Variants in LIN7A observed in about 807,000 individuals in gnomAD.
LIN7A encodes the protein protein lin-7 homolog A.
A neutral mutation model predicts 29.8 loss-of-function variants in LIN7A; 25 were observed. That is an observed-to-expected ratio of 0.84 (90% CI 0.61 to 1.17). LIN7A has a LOEUF of 1.17. Ranked by LOEUF, LIN7A falls within the 50% of genes most tolerant of loss-of-function variation. LIN7A has a pLI of 0.00. For synonymous variants in LIN7A, 118 were observed against 107.5 expected (o/e 1.10, Z -0.60); for missense variants, 239 against 287.0 (o/e 0.83, Z 1.21).
chr12:80,905,694 A>G (rs1362770910), intron 1 of LIN7A, among the ~76,000 whole-genome samples: 1 of 152,162 alleles, frequency 6.6e-6, no homozygotes, highest in Non-Finnish European at 1.5e-5. Context: ...TAGGATGCTA[A>G]TGGCATCTTG....
intron 5 of LIN7A, among the ~76,000 whole-genome samples, chr12:80,803,841 C>T (rs12422260): frequency 0.11 from 16,269 of 151,956 alleles, 992 homozygotes; most frequent in East Asian, 0.18. Flanking sequence ...TAAAGGTAAT[C>T]GATAAGGGTG....
Position 80,851,355 on chromosome 12 carries a change from CT to C in LIN7A, c.202-3034del, listed in dbSNP as rs199557424. On this transcript the variant is annotated intron_variant, in intron 2 of 5. Coordinates refer to ENST00000552864, the MANE Select transcript of LIN7A (RefSeq NM_004664.4). ...GAATGAATCCAATATAATTGCTAGT[CT>C]TTTTTTTTTTTTTGTCTACAAAACA... Among the ~76,000 whole-genome samples, 1,091 of 139,402 alleles carry C rather than the reference CT, an allele frequency of 7.8e-3. 4 individuals carry two copies. Among genetic ancestry groups the C allele is most frequent in the African/African-American group, 0.014 (552 of 38,502 alleles). 91.5% of individuals were successfully genotyped at this position (139,402 alleles called of 152,430 possible). A position where few individuals can be genotyped will look rare whatever the true frequency, so the allele number is the denominator to read the frequency against.
chr12:80,896,751 AG>A (rs1171630860), intron 1 of LIN7A, among the ~76,000 whole-genome samples: 5 of 152,348 alleles, frequency 3.3e-5, no homozygotes, highest in Admixed American at 2.6e-4. Context: ...ACAACACTGA[AG>A]TGTATCACAA....
chr12:80,896,189 G>A (rs1177097884), intron 1 of LIN7A, among the ~76,000 whole-genome samples: 2 of 152,194 alleles, frequency 1.3e-5, no homozygotes, highest in East Asian at 3.8e-4. Flanking sequence ...TCCAAAGAAG[G>A]AGCATCCAGA....
rs564387435 is a variant in LIN7A at position 80,881,494 on chromosome 12, C to G, written c.201+7757G>C. Among the ~76,000 whole-genome samples the G allele has an allele frequency of 2.6e-5, 4 of 152,060 alleles. No individual in the cohort carries two copies. The South Asian group carries it at 6.2e-4, about 24-fold the overall frequency. On this transcript the variant is annotated intron_variant, in intron 2 of 5. Coordinates refer to ENST00000552864, the MANE Select transcript of LIN7A (RefSeq NM_004664.4). Reference sequence around the variant, plus strand: ...ACTTTGTGTGAAAAAATACATGCTACTCTGTCCATGTTTAAAGGAAAACAT... The same window carrying G: ...ACTTTGTGTGAAAAAATACATGCTAGTCTGTCCATGTTTAAAGGAAAACAT...
chr12:80,935,170 G>A (rs61934587), intron 1 of LIN7A, among the ~76,000 whole-genome samples: 164 of 152,244 alleles, frequency 1.1e-3, no homozygotes, highest in Non-Finnish European at 1.9e-3. Flanking sequence ...CAGACACTGA[G>A]AATTCAAAGA....
At position 80,796,015 on chromosome 12, in the gene LIN7A, C is replaced by G. The variant is rs1212547214; in HGVS notation, c.*1712G>C. 6.6e-6 allele frequency: 1 copy of G among 152,148 alleles called. No individual in the cohort carries two copies. Among genetic ancestry groups the G allele is most frequent in the Non-Finnish European group, 1.5e-5 (1 of 68,018 alleles). 9.4% of individuals were successfully genotyped at this position (152,148 alleles called of 1,614,324 possible). ...TCCTAGTTTTCTTGCTGTTTTTCCT[C>G]TGGTGAGGGATGCATTGTGAAGAGC... On this transcript the variant is annotated 3_prime_UTR_variant, in exon 6 of 6. Transcript: ENST00000552864.
chr12:80,935,126 A>AT (rs1048218780), intron 1 of LIN7A, among the ~76,000 whole-genome samples: 8 of 152,124 alleles, frequency 5.3e-5, no homozygotes, highest in Non-Finnish European at 8.8e-5. Context: ...ACTTAACATT[A>AT]TTTTTTTATT....
chr12:80,804,743 G>A (rs1185943214), intron 5 of LIN7A, among the ~76,000 whole-genome samples: 1 of 151,692 alleles, frequency 6.6e-6, no homozygotes, highest in African/African-American at 2.4e-5. Flanking sequence ...TACTAGAGAT[G>A]GGGTTTTGCC....
intron 1 of LIN7A, among the ~76,000 whole-genome samples, chr12:80,936,132 A>G (rs1878204098): frequency 6.6e-6 from 1 of 152,188 alleles, no homozygotes; most frequent in African/African-American, 2.4e-5. Context: ...TTTGGTTCTT[A>G]CCGGCAATGG....
intron 2 of LIN7A, among the ~76,000 whole-genome samples, chr12:80,873,625 T>C (rs1272536959): frequency 1.3e-5 from 2 of 152,226 alleles, no homozygotes; most frequent in East Asian, 3.9e-4. Flanking sequence ...AATGTACACC[T>C]GTGCATTGTC....
chr12:80,869,581 A>C lies in LIN7A; in HGVS notation c.201+19670T>G, dbSNP rs370746877. ...TTTTTATCACACCTCAGGAGACCTC[A>C]GAATAGACATATACTTAATTTAAAA... On this transcript the variant is annotated intron_variant, in intron 2 of 5. Coordinates refer to ENST00000552864, the MANE Select transcript of LIN7A (RefSeq NM_004664.4). 1.8e-4 allele frequency among the ~76,000 whole-genome samples: 28 copies of C among 152,300 alleles called. No homozygotes were observed. In the East Asian group the frequency reaches 2.7e-3, roughly 15 times the overall value.
At chr12:80,901,483 A>T (rs1023882492) in intron 1 of LIN7A, among the ~76,000 whole-genome samples, 1 of 152,146 alleles carries the variant, frequency 6.6e-6, no homozygotes, top group African/African-American at 2.4e-5. Context: ...TACATAAAAA[A>T]CAATCTACCT....
At chr12:80,927,781 C>T (rs1368818340) in intron 1 of LIN7A, among the ~76,000 whole-genome samples, 1 of 152,112 alleles carries the variant, frequency 6.6e-6, no homozygotes, top group Non-Finnish European at 1.5e-5. Context: ...CATAGGTATA[C>T]ATGTGCCACG....
intron 1 of LIN7A, among the ~76,000 whole-genome samples, chr12:80,919,800 C>A (rs1045863010): frequency 1.3e-5 from 2 of 152,146 alleles, no homozygotes; most frequent in Non-Finnish European, 2.9e-5. Context: ...AAGGCAGGAT[C>A]CTGAGAAAGC....
chr12:80,817,479 GACA>G (rs778155194), intron 4 of LIN7A, among the ~76,000 whole-genome samples: 144 of 152,152 alleles, frequency 9.5e-4, no homozygotes, highest in Middle Eastern at 6.8e-3. Context: ...CACTTTGTTG[GACA>G]ACAAGAGTTG....
intron 2 of LIN7A, among the ~76,000 whole-genome samples, chr12:80,867,633 G>A (rs563141825): frequency 3.3e-5 from 5 of 152,102 alleles, no homozygotes; most frequent in South Asian, 4.2e-4. Flanking sequence ...CTTTTGACAC[G>A]CTTTCTGTAT....
chr12:80,799,886 C>G (rs2121479129), intron 5 of LIN7A, among the ~76,000 whole-genome samples: 1 of 152,172 alleles, frequency 6.6e-6, no homozygotes, highest in East Asian at 1.9e-4. Flanking sequence ...GTGGTGCATG[C>G]CTGTAGTCCC....
intron 4 of LIN7A, among the ~76,000 whole-genome samples, chr12:80,839,445 A>C (rs1872714634): frequency 6.6e-6 from 1 of 152,236 alleles, no homozygotes; most frequent in African/African-American, 2.4e-5. Context: ...AGTGTCTGGC[A>C]TTCAACAAAT....
Sources: gnomAD v4.1 joint callset for allele counts (sites outside exome capture counted in the v4.1 genomes callset) on GRCh38, gnomAD v4.1.1 for gene constraint, MANE v1.5 for transcripts, NCBI Gene and HGNC (gene_info 2026-07-23, HGNC 2026-07-21) for gene names.